Variants in MKKS observed in about 807,000 individuals in gnomAD.
MKKS encodes the protein MKKS centrosomal shuttling protein, also known as molecular chaperone MKKS.
MKKS carries 29 observed loss-of-function variants against 33.2 expected under a neutral mutation model. The ratio of observed to expected loss-of-function variants is 0.87; its 90% CI spans 0.65 to 1.19. The LOEUF is 1.19. Ranked by LOEUF, MKKS falls within the 50% of genes most tolerant of loss-of-function variation. MKKS has a pLI of 0.00. For synonymous variants in MKKS, 260 were observed against 244.0 expected, an observed-to-expected ratio of 1.07 and a Z score of -0.61; for missense variants, 661 against 662.3, an observed-to-expected ratio of 1.00 and a Z score of 0.02.
At position 10,407,525 on chromosome 20, in the gene MKKS, A is replaced by G. The variant is rs2064851423; in HGVS notation, c.1272+91T>C. 2.8e-6 allele frequency: 3 copies of G among 1,090,368 alleles called. No homozygotes were observed. The South Asian group carries it at 4.0e-5, about 15-fold the overall frequency. The allele number at this position is 1,090,368 out of a possible 1,614,324, so 67.5% of individuals were successfully genotyped here. A position where few individuals can be genotyped will look rare whatever the true frequency, so the allele number is the denominator to read the frequency against. On this transcript the variant is annotated intron_variant, in intron 5 of 5. Coordinates refer to ENST00000347364, the MANE Select transcript of MKKS (RefSeq NM_170784.3). ...AACCTAAAAGTTAAAACTAACAAAA[A>G]GACTATAGGATATTATGATTTTGGC... is the stretch of plus-strand genomic sequence containing the variant.
intron 1 of MKKS, among the ~76,000 whole-genome samples, chr20:10,424,780 G>A (rs759813552): frequency 3.3e-5 from 5 of 151,936 alleles, no homozygotes; most frequent in African/African-American, 9.7e-5. Context: ...AGCAGGGCAC[G>A]GTGGCTCATG....
intron 2 of MKKS, among the ~76,000 whole-genome samples, chr20:10,418,821 C>T (rs1387482289): frequency 1.3e-5 from 2 of 152,026 alleles, no homozygotes; most frequent in Non-Finnish European, 2.9e-5. Flanking sequence ...ATATAATGGT[C>T]TTACTAGTCT....
chr20:10,433,369 G>A lies in MKKS; in HGVS notation c.-649+739C>T, dbSNP rs221663. On this transcript the variant is annotated intron_variant, in intron 1 of 5. Coordinates refer to ENST00000347364, the MANE Select transcript of MKKS (RefSeq NM_170784.3). ...CATGCGGAACTCATGGATAGGGAGC[G>A]TATTGTTTCTCCCCCATCACTAGAA... Among the ~76,000 whole-genome samples, 1,193 of 152,326 alleles carry A rather than the reference G, an allele frequency of 7.8e-3. 22 individuals carry two copies. Among genetic ancestry groups the A allele is most frequent in the African/African-American group, 0.026 (1,082 of 41,566 alleles).
At chr20:10,428,219 C>CCCCT (rs1306875562) in intron 1 of MKKS, among the ~76,000 whole-genome samples, 1 of 152,146 alleles carries the variant, frequency 6.6e-6, no homozygotes, top group African/African-American at 2.4e-5. Flanking sequence ...AGAATCCTGT[C>CCCCT]CCCTTTCACT....
At chr20:10,427,868 C>G (rs2065026770) in intron 1 of MKKS, among the ~76,000 whole-genome samples, 1 of 152,320 alleles carries the variant, frequency 6.6e-6, no homozygotes, top group Non-Finnish European at 1.5e-5. Context: ...ATCCTACCAC[C>G]TTCCCCACCA....
chr20:10,407,732 A>C lies in MKKS; in HGVS notation c.1162-6T>G. 1 of 1,606,054 alleles carries C rather than the reference A, an allele frequency of 6.2e-7. No homozygotes were observed. Among genetic ancestry groups the C allele is most frequent in the Non-Finnish European group, 8.5e-7 (1 of 1,173,258 alleles). ...AGTGCCGTCTGACACGTGAGCTAAG[A>C]AAAAACCCAAATCATCAGAATCAGA... is the stretch of plus-strand genomic sequence containing the variant. On this transcript the variant is annotated splice_region_variant and splice_polypyrimidine_tract_variant and intron_variant, in intron 4 of 5. Transcript: ENST00000347364.
chr20:10,414,617 A>T (rs758453369), intron 2 of MKKS, among the ~76,000 whole-genome samples: 1 of 152,170 alleles, frequency 6.6e-6, no homozygotes, highest in South Asian at 2.1e-4. Context: ...CAACATGAAG[A>T]TTTAATATTA....
At chr20:10,408,559 CATA>C (rs1443939704) in intron 4 of MKKS, 66 bp downstream of exon 4, 8 of 1,534,930 alleles carry the variant, frequency 5.2e-6, no homozygotes, top group Admixed American at 1.7e-5. Flanking sequence ...AAAAAAAAAT[CATA>C]ATAACTATTG....
At chr20:10,408,329 T>C (rs2064857471) in intron 4 of MKKS, among the ~76,000 whole-genome samples, 2 of 152,202 alleles carry the variant, frequency 1.3e-5, no homozygotes, top group Non-Finnish European at 2.9e-5. Context: ...TCCAAGTGAA[T>C]TATTCATACA....
At chr20:10,406,174 T>C (rs943177749) in intron 5 of MKKS, among the ~76,000 whole-genome samples, 2 of 152,236 alleles carry the variant, frequency 1.3e-5, no homozygotes, top group African/African-American at 4.8e-5. Flanking sequence ...TTCATATCAA[T>C]GTTTTAAAAA....
chr20:10,423,602 A>T (rs1458489590), intron 1 of MKKS, among the ~76,000 whole-genome samples: 1 of 152,210 alleles, frequency 6.6e-6, no homozygotes, highest in Non-Finnish European at 1.5e-5. Flanking sequence ...GTAATGACAT[A>T]GTATGAACCC....
At chr20:10,415,634 A>T (rs1866963177) in intron 2 of MKKS, among the ~76,000 whole-genome samples, 1 of 152,244 alleles carries the variant, frequency 6.6e-6, no homozygotes, top group African/African-American at 2.4e-5. Flanking sequence ...TGAGAAATAC[A>T]TTTAAATGAA....
At chr20:10,431,348 C>A (rs1600862971) in intron 1 of MKKS, among the ~76,000 whole-genome samples, 1 of 152,142 alleles carries the variant, frequency 6.6e-6, no homozygotes, top group Middle Eastern at 3.4e-3. Flanking sequence ...CAAATATGTA[C>A]AAGATTAATT....
chr20:10,412,481 A>T (rs777899260), intron 3 of MKKS, 49 bp downstream of exon 3: 15 of 1,589,978 alleles, frequency 9.4e-6, no homozygotes, highest in Non-Finnish European at 1.2e-5. Context: ...CTGCTCAAAA[A>T]AGTGTGATTT....
intron 2 of MKKS, among the ~76,000 whole-genome samples, chr20:10,420,131 A>C (rs1017252487): frequency 2.0e-5 from 3 of 152,206 alleles, no homozygotes; most frequent in Admixed American, 6.5e-5. Context: ...GTCAAGCTAA[A>C]ATAGTTGATG....
At chr20:10,409,733 G>A (rs982650945) in intron 3 of MKKS, among the ~76,000 whole-genome samples, 1 of 152,098 alleles carries the variant, frequency 6.6e-6, no homozygotes, top group Non-Finnish European at 1.5e-5. Flanking sequence ...AGCATTTTAG[G>A]AGGCTGAGGC....
At chr20:10,424,152 A>G (rs1206734461) in intron 1 of MKKS, among the ~76,000 whole-genome samples, 1 of 152,226 alleles carries the variant, frequency 6.6e-6, no homozygotes, top group Admixed American at 6.5e-5. Context: ...CACTGTACAT[A>G]TAATAGTCCC....
At chr20:10,416,124 T>C (rs1196051122) in intron 2 of MKKS, among the ~76,000 whole-genome samples, 1 of 152,136 alleles carries the variant, frequency 6.6e-6, no homozygotes, top group African/African-American at 2.4e-5. Context: ...GTCCTGACTA[T>C]TCTTGGATGC....
Position 10,413,454 on chromosome 20 carries a change from T to C in MKKS, c.61A>G (p.Arg21Gly), listed in dbSNP as rs372096815. The C allele has an allele frequency of 6.2e-7, 1 of 1,613,918 alleles. No homozygotes were observed. The highest frequency in any genetic ancestry group is 8.5e-7 in the Non-Finnish European group (1 of 1,179,896). ...LCKSEPLTTE[R>G]VRTTLSVLKR... ...AAGACAGAAAGTGTGGTCCTGACTC[T>C]CTCAGTTGTCAGTGGTTCACTCTTA... Residue 21 changes from arginine to glycine, a missense_variant, in exon 3 of 6, where the codon AGA becomes GGA. By Grantham distance (125) the Arg-to-Gly change is moderately radical (BLOSUM62 -2). Transcript: ENST00000347364.
Sources: gnomAD v4.1 joint callset for allele counts (sites outside exome capture counted in the v4.1 genomes callset) on GRCh38, gnomAD v4.1.1 for gene constraint, MANE v1.5 for transcripts, NCBI Gene and HGNC (gene_info 2026-07-23, HGNC 2026-07-21) for gene names.